The following TMEM178A variants were observed in gnomAD, a reference collection of about 807,000 sequenced individuals.
The protein encoded by TMEM178A is transmembrane protein 178.
TMEM178A carries 12 observed loss-of-function variants against 29.1 expected under a neutral mutation model. The observed-to-expected ratio is 0.41, with a 90% CI of 0.26 to 0.67. The LOEUF (loss-of-function observed/expected upper bound fraction) is 0.67. TMEM178A is among the 30% of genes least tolerant of loss of function. The probability of loss-of-function intolerance (pLI) is 0.29; values close to 1 mark genes in which losing one functional copy is unlikely to be tolerated. For missense variants in TMEM178A, 366 were observed against 419.1 expected, an observed-to-expected ratio of 0.87 and a Z score of 1.11; for synonymous variants, 210 against 187.2, an observed-to-expected ratio of 1.12 and a Z score of -0.99.
At chr2:39,695,811 T>C (rs974243221) in intron 1 of TMEM178A, among the ~76,000 whole-genome samples, 1 of 152,102 alleles carries the variant, frequency 6.6e-6, no homozygotes, top group African/African-American at 2.4e-5. Flanking sequence ...CGCGTGTGAT[T>C]TTCGCATCTT....
chr2:39,735,626 G>A, the TMEM178A span, among the ~76,000 whole-genome samples: 15 of 152,320 alleles, frequency 9.8e-5, no homozygotes, highest in African/African-American at 3.1e-4. Flanking sequence ...ACCCCTCAGA[G>A]TATCAGTCTC....
At chr2:39,687,182 C>T in intron 1 of TMEM178A, 1 of 163,522 alleles carries the variant, frequency 6.1e-6, no homozygotes. Context: ...CCCCTTCATG[C>T]TGTCGTCAGA....
chr2:39,705,641 T>C (rs1671992825), intron 2 of TMEM178A, among the ~76,000 whole-genome samples: 2 of 152,222 alleles, frequency 1.3e-5, no homozygotes, highest in East Asian at 3.8e-4. Context: ...GAAATCCCTC[T>C]TTAAAAAAGG....
At chr2:39,682,913 C>T (rs185135394) in intron 1 of TMEM178A, among the ~76,000 whole-genome samples, 7 of 152,272 alleles carry the variant, frequency 4.6e-5, no homozygotes, top group African/African-American at 1.4e-4. Flanking sequence ...CCACACAATT[C>T]TCCTCTTCAC....
chr2:39,665,759 G>GGGGCC (rs1257884790), upstream of TMEM178A: 4 of 402,322 alleles, frequency 9.9e-6, no homozygotes, highest in Non-Finnish European at 8.4e-6. Context: ...TAGGAGCCCG[G>GGGGCC]GGGCCGGGCC....
the TMEM178A span, among the ~76,000 whole-genome samples, chr2:39,725,397 C>T: frequency 7.2e-5 from 11 of 152,242 alleles, no homozygotes; most frequent in East Asian, 3.9e-4. Flanking sequence ...TACCTAGTAA[C>T]GATTGAGGAG....
chr2:39,733,269 A>G, the TMEM178A span, among the ~76,000 whole-genome samples: 2 of 152,332 alleles, frequency 1.3e-5, no homozygotes, highest in South Asian at 4.1e-4. Flanking sequence ...ATTAAATCGA[A>G]TATTGCTAAG....
intron 1 of TMEM178A, among the ~76,000 whole-genome samples, chr2:39,697,418 G>C (rs1671591609): frequency 6.6e-6 from 1 of 152,204 alleles, no homozygotes; most frequent in African/African-American, 2.4e-5. Context: ...GACACTGCTG[G>C]TGAGCTGTCT....
At chr2:39,709,680 G>A (rs1444514211) in intron 3 of TMEM178A, among the ~76,000 whole-genome samples, 1 of 152,102 alleles carries the variant, frequency 6.6e-6, no homozygotes, top group Admixed American at 6.5e-5. Context: ...CTTTATTTAA[G>A]CCCCCATTTC....
chr2:39,666,502 CT>C, intron 1 of TMEM178A, 128 bp downstream of exon 1: 1 of 631,316 alleles, frequency 1.6e-6, no homozygotes, highest in Non-Finnish European at 2.1e-6. Context: ...TTCTTGCATC[CT>C]TCCCGCCGCC....
intron 2 of TMEM178A, among the ~76,000 whole-genome samples, chr2:39,705,042 T>C (rs1442244650): frequency 6.6e-6 from 1 of 152,210 alleles, no homozygotes; most frequent in Admixed American, 6.5e-5. Flanking sequence ...TGGTCTAATA[T>C]ACATATTATG....
intron 1 of TMEM178A, among the ~76,000 whole-genome samples, chr2:39,672,680 G>A (rs1211722621): frequency 6.6e-6 from 1 of 151,914 alleles, no homozygotes; most frequent in African/African-American, 2.4e-5. Context: ...ACAGGTGTGT[G>A]CTAGCACACC....
At chr2:39,674,612 A>G (rs933176506) in intron 1 of TMEM178A, among the ~76,000 whole-genome samples, 1 of 152,208 alleles carries the variant, frequency 6.6e-6, no homozygotes, top group East Asian at 1.9e-4. Flanking sequence ...AATCACCACT[A>G]AAGGACTTAC....
At chr2:39,670,212 G>A (rs1005319739) in intron 1 of TMEM178A, among the ~76,000 whole-genome samples, 6 of 152,134 alleles carry the variant, frequency 3.9e-5, no homozygotes, top group African/African-American at 1.4e-4. Flanking sequence ...AAGTCTTTAG[G>A]TGTAAAAATC....
At chr2:39,734,605 T>C in the TMEM178A span, among the ~76,000 whole-genome samples, 1 of 152,386 alleles carries the variant, frequency 6.6e-6, no homozygotes, top group Non-Finnish European at 1.5e-5. Flanking sequence ...CTTTGTTTAA[T>C]GCATATTTCA....
chr2:39,681,723 T>C (rs945081313), intron 1 of TMEM178A, among the ~76,000 whole-genome samples: 7 of 152,272 alleles, frequency 4.6e-5, no homozygotes, highest in Admixed American at 3.9e-4. Flanking sequence ...GTAGTAGCCA[T>C]ATGATGAGTG....
intron 3 of TMEM178A, among the ~76,000 whole-genome samples, chr2:39,710,840 A>T (rs919670690): frequency 7.2e-5 from 11 of 152,252 alleles, no homozygotes; most frequent in Non-Finnish European, 1.0e-4. Flanking sequence ...CTTATTAGCT[A>T]AACCTTCAAA....
chr2:39,673,610 T>C (rs1670494550), intron 1 of TMEM178A, among the ~76,000 whole-genome samples: 1 of 152,226 alleles, frequency 6.6e-6, no homozygotes, highest in Non-Finnish European at 1.5e-5. Flanking sequence ...ATTCTGAGTG[T>C]ACAGATAATT....
chr2:39,724,909 C>T, the TMEM178A span, among the ~76,000 whole-genome samples: 19 of 152,270 alleles, frequency 1.2e-4, no homozygotes, highest in African/African-American at 3.9e-4. Context: ...TCTGTGGTGA[C>T]GATGGTAAAT....
Sources: allele counts gnomAD v4.1 joint callset (sites outside exome capture counted in the v4.1 genomes callset), GRCh38; gene constraint gnomAD v4.1.1; transcripts MANE v1.5; gene names NCBI Gene and HGNC (gene_info 2026-07-23, HGNC 2026-07-21).